The following CSMD1 variants were observed in gnomAD, a reference collection of about 807,000 sequenced individuals.
CSMD1 encodes CUB and sushi domain-containing protein 1.
CSMD1 carries 213 observed loss-of-function variants against 417.5 expected under a neutral mutation model. The ratio of observed to expected loss-of-function variants is 0.51; its 90% CI spans 0.46 to 0.57. The LOEUF is 0.57. Among genes scored for constraint, CSMD1 ranks in the 20% least tolerant of loss-of-function variants. The pLI is 0.00. For missense variants in CSMD1, 6,923 were observed against 4,529.7 expected (o/e 1.53, Z -15.17); for synonymous variants, 2,862 against 1,736.8 (o/e 1.65, Z -16.11).
At chr8:3,075,564 G>A (rs115689081) in intron 49 of CSMD1, among the ~76,000 whole-genome samples, 2,794 of 151,656 alleles carry the variant, frequency 0.018, 93 homozygotes, top group African/African-American at 0.064. Context: ...GACAGGCATG[G>A]ACCACCATGC....
chr8:3,851,841 G>A (rs903332072), intron 5 of CSMD1, among the ~76,000 whole-genome samples: 2 of 152,174 alleles, frequency 1.3e-5, no homozygotes, highest in African/African-American at 2.4e-5. Flanking sequence ...CGCCAGGAGG[G>A]TCGGGTGGGA....
At chr8:3,569,314 C>T (rs1306135260) in intron 10 of CSMD1, among the ~76,000 whole-genome samples, 5 of 152,158 alleles carry the variant, frequency 3.3e-5, no homozygotes, top group South Asian at 4.1e-4. Flanking sequence ...GCTAAGATTC[C>T]GCAAGTAATT....
At chr8:4,566,436 G>A (rs1030571323) in intron 2 of CSMD1, among the ~76,000 whole-genome samples, 13 of 151,858 alleles carry the variant, frequency 8.6e-5, no homozygotes, top group Non-Finnish European at 1.3e-4. Context: ...GGTTGATCAC[G>A]AGGTCAAGAG....
rs904602316 is a variant in CSMD1 at position 3,670,488 on chromosome 8, C to T, written c.1009+37926G>A. 1.6e-3 allele frequency among the ~76,000 whole-genome samples: 220 copies of T among 138,738 alleles called. 1 individual carries two copies. Among genetic ancestry groups the T allele is most frequent in the African/African-American group, 5.4e-3 (204 of 37,950 alleles). 91.0% of individuals were successfully genotyped at this position (138,738 alleles called of 152,430 possible). ...ATATGTATCCCATATATATATATCC[C>T]GTATATATATCCCATATATATATAT... On this transcript the variant is annotated intron_variant, in intron 7 of 69. Coordinates refer to ENST00000635120, the MANE Select transcript of CSMD1 (RefSeq NM_033225.6).
intron 6 of CSMD1, among the ~76,000 whole-genome samples, chr8:3,725,887 T>A (rs186675139): frequency 6.6e-6 from 1 of 152,174 alleles, no homozygotes; most frequent in Non-Finnish European, 1.5e-5. Flanking sequence ...AACATGCCCT[T>A]GAAAAGATGG....
At chr8:4,338,950 A>G (rs767045516) in intron 3 of CSMD1, among the ~76,000 whole-genome samples, 1 of 152,132 alleles carries the variant, frequency 6.6e-6, no homozygotes, top group Non-Finnish European at 1.5e-5. Context: ...GTATCTGAAC[A>G]TAGGTCTGGG....
chr8:3,024,814 T>C (rs1161996390), intron 51 of CSMD1, among the ~76,000 whole-genome samples: 1 of 152,212 alleles, frequency 6.6e-6, no homozygotes, highest in Non-Finnish European at 1.5e-5. Flanking sequence ...GCACTAAAGC[T>C]GGTTGTGAAA....
chr8:4,469,341 G>C (rs898312585), intron 2 of CSMD1, among the ~76,000 whole-genome samples: 1 of 152,156 alleles, frequency 6.6e-6, no homozygotes, highest in African/African-American at 2.4e-5. Context: ...GAAAAGTCTT[G>C]TTATTTTACC....
chr8:4,364,652 G>A lies in CSMD1; in HGVS notation c.415+55301C>T, dbSNP rs1440019064. On this transcript the variant is annotated intron_variant, in intron 3 of 69. Transcript: ENST00000635120. ...ATCCCGGCTAAAACGGTGAAACCCCGTCTCTACTAAAAATACAAAAAAATT... is the reference window on the plus strand; with the variant it reads ...ATCCCGGCTAAAACGGTGAAACCCCATCTCTACTAAAAATACAAAAAAATT... Among the ~76,000 whole-genome samples the A allele has an allele frequency of 2.3e-4, 8 of 35,176 alleles. 3 individuals carry two copies. The highest frequency in any genetic ancestry group is 3.8e-4 in the Non-Finnish European group (8 of 20,884). 23.1% of individuals were successfully genotyped at this position (35,176 alleles called of 152,430 possible).
At chr8:3,773,256 T>C (rs1217067424) in intron 5 of CSMD1, among the ~76,000 whole-genome samples, 1 of 152,152 alleles carries the variant, frequency 6.6e-6, no homozygotes, top group Non-Finnish European at 1.5e-5. Context: ...TGTTTTAGAT[T>C]CTCCATGCAT....
intron 3 of CSMD1, among the ~76,000 whole-genome samples, chr8:4,246,944 A>C (rs1380033516): frequency 6.6e-6 from 1 of 152,224 alleles, no homozygotes; most frequent in Admixed American, 6.5e-5. Context: ...TGTAGATAAT[A>C]TTGAAAACTA....
chr8:4,690,919 G>C (rs946164327), intron 1 of CSMD1, among the ~76,000 whole-genome samples: 1 of 152,054 alleles, frequency 6.6e-6, no homozygotes, highest in Non-Finnish European at 1.5e-5. Context: ...AGTAGAGGTG[G>C]GGTTTCACCA....
intron 5 of CSMD1, among the ~76,000 whole-genome samples, chr8:3,843,373 G>A (rs1006982231): frequency 6.6e-6 from 1 of 152,108 alleles, no homozygotes; most frequent in East Asian, 1.9e-4. Context: ...TGTGCTTACA[G>A]TATGTAATTA....
chr8:4,658,834 A>G (rs1444628821), intron 1 of CSMD1, among the ~76,000 whole-genome samples: 1 of 152,140 alleles, frequency 6.6e-6, no homozygotes, highest in Non-Finnish European at 1.5e-5. Flanking sequence ...AGGATATAAT[A>G]TGTTCCTATG....
Position 3,091,502 on chromosome 8 carries a change from C to A in CSMD1, c.7285+14G>T, listed in dbSNP as rs1484982465. ...AAAATACTTTCATATAAAATCTAAA[C>A]CTCATTTACTTACCTGCATAGCGAA... On this transcript the variant is annotated intron_variant, in intron 48 of 69. Transcript: ENST00000635120. The A allele has an allele frequency of 3.8e-6, 6 of 1,579,978 alleles. No homozygotes were observed. The highest frequency in any genetic ancestry group is 5.1e-6 in the Non-Finnish European group (6 of 1,168,140).
intron 18 of CSMD1, among the ~76,000 whole-genome samples, chr8:3,384,542 G>A (rs1045962438): frequency 2.7e-5 from 4 of 150,604 alleles, no homozygotes; most frequent in South Asian, 2.1e-4. Flanking sequence ...ACATGGGACA[G>A]TCCTTCCTTA....
At chr8:4,219,015 C>T (rs1001524929) in intron 3 of CSMD1, among the ~76,000 whole-genome samples, 4 of 152,172 alleles carry the variant, frequency 2.6e-5, no homozygotes, top group African/African-American at 9.6e-5. Flanking sequence ...ATCCTCAAGT[C>T]ACACTTTGTG....
In CSMD1 at chr8:4,673,692, C is replaced by G. The variant is rs910093525; in HGVS notation, c.86-36134G>C. On this transcript the variant is annotated intron_variant, in intron 1 of 69. Coordinates refer to ENST00000635120, the MANE Select transcript of CSMD1 (RefSeq NM_033225.6). ...CTAATGCTTCCTCAACATTTTCCCC[C>G]AAGAAAACCCACAGCTGGTCAATTA... Among the ~76,000 whole-genome samples, 7 of 152,036 alleles carry G rather than the reference C, an allele frequency of 4.6e-5. No homozygotes were observed. In the South Asian group the frequency reaches 1.5e-3, roughly 32 times the overall value.
At chr8:4,127,788 C>A (rs1275823034) in intron 3 of CSMD1, among the ~76,000 whole-genome samples, 1 of 152,176 alleles carries the variant, frequency 6.6e-6, no homozygotes, top group Non-Finnish European at 1.5e-5. Flanking sequence ...AATCTTTACT[C>A]TGAAGTAGAT....
Sources: gnomAD v4.1 joint callset for allele counts (sites outside exome capture counted in the v4.1 genomes callset) on GRCh38, gnomAD v4.1.1 for gene constraint, MANE v1.5 for transcripts, NCBI Gene and HGNC (gene_info 2026-07-23, HGNC 2026-07-21) for gene names.